Variants in FSTL5 observed in about 807,000 individuals in gnomAD.
FSTL5 encodes follistatin-related protein 5.
FSTL5 carries 62 observed loss-of-function variants against 89.1 expected under a neutral mutation model. That is an observed-to-expected ratio of 0.70 (90% confidence interval 0.57 to 0.86). FSTL5 has a LOEUF of 0.86. FSTL5 is among the 40% of genes least tolerant of loss of function. The pLI is 0.00. For missense variants in FSTL5, 1,057 were observed against 1,001.6 expected (o/e 1.06, Z -0.75); for synonymous variants, 383 against 346.2 (o/e 1.11, Z -1.18).
chr4:161,602,173 G>GA (rs932440343), intron 7 of FSTL5, among the ~76,000 whole-genome samples: 4 of 136,158 alleles, frequency 2.9e-5, no homozygotes, highest in East Asian at 2.1e-4. Flanking sequence ...GACACACACA[G>GA]AAAAAAAAAG....
At chr4:161,538,419 A>C (rs1731707865) in intron 9 of FSTL5, 119 bp from the exon 10 acceptor site, 1 of 1,092,466 alleles carries the variant, frequency 9.2e-7, no homozygotes. Context: ...TTCCCTTCCT[A>C]CTTCCATACT....
intron 8 of FSTL5, among the ~76,000 whole-genome samples, chr4:161,557,379 A>G (rs1169257118): frequency 6.6e-6 from 1 of 151,564 alleles, no homozygotes; most frequent in Non-Finnish European, 1.5e-5. Flanking sequence ...ATTTCATGAC[A>G]AGCATACTAA....
chr4:161,781,708 G>A (rs570994335), intron 4 of FSTL5, among the ~76,000 whole-genome samples: 6 of 152,118 alleles, frequency 3.9e-5, no homozygotes, highest in East Asian at 1.9e-4. Context: ...AGTTACAATC[G>A]ATGAACAAAT....
intron 2 of FSTL5, among the ~76,000 whole-genome samples, chr4:162,062,100 G>C (rs986548856): frequency 6.6e-6 from 1 of 151,408 alleles, no homozygotes; most frequent in African/African-American, 2.4e-5. Context: ...CCATGATGTC[G>C]AAATTTATAT....
At chr4:161,866,767 T>C (rs1328569656) in intron 4 of FSTL5, among the ~76,000 whole-genome samples, 1 of 152,048 alleles carries the variant, frequency 6.6e-6, no homozygotes, top group Non-Finnish European at 1.5e-5. Context: ...TAAATGTTTT[T>C]ACTGTAGCTT....
chr4:161,447,772 A>G (rs949282355), intron 15 of FSTL5, among the ~76,000 whole-genome samples: 1 of 152,152 alleles, frequency 6.6e-6, no homozygotes, highest in African/African-American at 2.4e-5. Flanking sequence ...AAAGTTATCC[A>G]GTGTTTATGT....
intron 2 of FSTL5, among the ~76,000 whole-genome samples, chr4:162,108,660 A>G (rs1731320656): frequency 1.3e-5 from 2 of 151,882 alleles, no homozygotes; most frequent in African/African-American, 4.8e-5. Flanking sequence ...GAATAAGAGA[A>G]AATTAATTTG....
At chr4:161,654,294 C>T (rs946921402) in intron 7 of FSTL5, among the ~76,000 whole-genome samples, 1 of 152,030 alleles carries the variant, frequency 6.6e-6, no homozygotes, top group African/African-American at 2.4e-5. Context: ...TGATGGTTTT[C>T]AGACCACAGC....
chr4:161,795,612 C>T (rs183132692), intron 4 of FSTL5, among the ~76,000 whole-genome samples: 1 of 152,054 alleles, frequency 6.6e-6, no homozygotes, highest in African/African-American at 2.4e-5. Context: ...TCATCCCACA[C>T]AGATATGAGT....
intron 12 of FSTL5, 72 bp from the exon 13 acceptor site, chr4:161,481,241 A>G (rs1729494554): frequency 8.4e-7 from 1 of 1,185,542 alleles, no homozygotes; most frequent in Admixed American, 2.3e-5. Flanking sequence ...ATCATGGGTA[A>G]AATTAATGTT....
chr4:161,442,934 A>C (rs1732821144), intron 15 of FSTL5, among the ~76,000 whole-genome samples: 1 of 152,038 alleles, frequency 6.6e-6, no homozygotes, highest in Admixed American at 6.6e-5. Context: ...TTCTGGAGTT[A>C]GGACTAGCTA....
At chr4:161,507,883 T>C (rs1730532072) in intron 11 of FSTL5, among the ~76,000 whole-genome samples, 1 of 151,972 alleles carries the variant, frequency 6.6e-6, no homozygotes, top group Non-Finnish European at 1.5e-5. Flanking sequence ...GAAATTATCA[T>C]TTCAACTCTT....
chr4:162,163,859 G>A lies in FSTL5; in HGVS notation c.-261C>T, dbSNP rs1317090386. On this transcript the variant is annotated 5_prime_UTR_variant, in exon 1 of 16. Coordinates refer to ENST00000306100, the MANE Select transcript of FSTL5 (RefSeq NM_020116.5). Reference sequence around the variant, plus strand: ...AGTTGATATGGGTCCTGTTGGTGAAGCGGGTCCCACAGGGCACAGAGGGTG... The same window carrying A: ...AGTTGATATGGGTCCTGTTGGTGAAACGGGTCCCACAGGGCACAGAGGGTG... 6.6e-6 allele frequency: 1 copy of A among 152,276 alleles called. No individual in the cohort carries two copies. Among genetic ancestry groups the A allele is most frequent in the African/African-American group, 2.4e-5 (1 of 41,458 alleles). The allele number at this position is 152,276 out of a possible 1,614,324, so 9.4% of individuals were successfully genotyped here. A position where few individuals can be genotyped will look rare whatever the true frequency, so the allele number is the denominator to read the frequency against.
chr4:161,741,041 C>T (rs1378432202), intron 6 of FSTL5, among the ~76,000 whole-genome samples: 1 of 152,146 alleles, frequency 6.6e-6, no homozygotes, highest in East Asian at 1.9e-4. Context: ...ATGATCTAAT[C>T]ACCTTCCAAA....
intron 15 of FSTL5, among the ~76,000 whole-genome samples, chr4:161,394,083 T>C (rs1019021513): frequency 6.6e-6 from 1 of 152,144 alleles, no homozygotes; most frequent in Admixed American, 6.5e-5. Flanking sequence ...GGACGTGACA[T>C]GTATATTTAA....
chr4:162,025,483 G>A (rs1207723955), intron 3 of FSTL5, among the ~76,000 whole-genome samples: 1 of 152,018 alleles, frequency 6.6e-6, no homozygotes, highest in South Asian at 2.1e-4. Context: ...ATAAATAACT[G>A]AGTCTAGTAT....
chr4:161,578,888 T>G (rs1733331009), intron 8 of FSTL5, among the ~76,000 whole-genome samples: 1 of 152,062 alleles, frequency 6.6e-6, no homozygotes, highest in African/African-American at 2.4e-5. Flanking sequence ...ACAGAAATAT[T>G]ATTTAATTTA....
chr4:162,014,172 G>A (rs1280863618), intron 3 of FSTL5, among the ~76,000 whole-genome samples: 1 of 152,156 alleles, frequency 6.6e-6, no homozygotes, highest in African/African-American at 2.4e-5. Flanking sequence ...GAGTCATCAG[G>A]TTTATCTGAA....
At position 161,455,210 on chromosome 4, in the gene FSTL5, A is replaced by G. The variant is rs542593078; in HGVS notation, c.1717-82T>C. 11 of 1,192,956 alleles carry G rather than the reference A, an allele frequency of 9.2e-6. No homozygotes were observed. In the East Asian group the frequency reaches 2.7e-4, roughly 30 times the overall value. The allele number at this position is 1,192,956 out of a possible 1,614,324, so 73.9% of individuals were successfully genotyped here. ...CTTTAATTTTATTTAGAGATGAAATAAATGTTTCTGGCAGTTGTTTGCATA... is the reference window on the plus strand; with the variant it reads ...CTTTAATTTTATTTAGAGATGAAATGAATGTTTCTGGCAGTTGTTTGCATA... On this transcript the variant is annotated intron_variant, in intron 14 of 15. Coordinates refer to ENST00000306100, the MANE Select transcript of FSTL5 (RefSeq NM_020116.5).
Sources: allele counts gnomAD v4.1 joint callset (sites outside exome capture counted in the v4.1 genomes callset), GRCh38; gene constraint gnomAD v4.1.1; transcripts MANE v1.5; gene names NCBI Gene and HGNC (gene_info 2026-07-23, HGNC 2026-07-21).